HPSE2: variants seen among roughly 807,000 people sequenced by gnomAD.
HPSE2 encodes inactive heparanase-2.
Under a neutral mutation model 60.5 loss-of-function variants are expected in HPSE2, and 38 were observed. The observed-to-expected ratio is 0.63, with a 90% confidence interval of 0.48 to 0.82. The LOEUF (loss-of-function observed/expected upper bound fraction) is 0.82. Among genes scored for constraint, HPSE2 ranks in the 40% least tolerant of loss-of-function variants. The probability of loss-of-function intolerance (pLI) is 0.00; values close to 1 mark genes in which losing one functional copy is unlikely to be tolerated. For missense variants in HPSE2, 713 were observed against 740.4 expected, an observed-to-expected ratio of 0.96 and a Z score of 0.43; for synonymous variants, 295 against 293.2, an observed-to-expected ratio of 1.01 and a Z score of -0.06.
intron 3 of HPSE2, among the ~76,000 whole-genome samples, chr10:99,098,680 A>G (rs2135628594): frequency 6.6e-6 from 1 of 152,318 alleles, no homozygotes; most frequent in Admixed American, 6.5e-5. Context: ...TTTATTTATT[A>G]CACATAGAAA....
At chr10:98,664,645 C>T (rs1947314502) in intron 6 of HPSE2, among the ~76,000 whole-genome samples, 1 of 152,190 alleles carries the variant, frequency 6.6e-6, no homozygotes, top group Non-Finnish European at 1.5e-5. Flanking sequence ...CTCTCAGGCG[C>T]CATCTACTGG....
At chr10:98,991,354 A>G (rs1204225972) in intron 3 of HPSE2, among the ~76,000 whole-genome samples, 1 of 152,192 alleles carries the variant, frequency 6.6e-6, no homozygotes, top group Non-Finnish European at 1.5e-5. Flanking sequence ...GAGAAACCAC[A>G]CAGGCATCTG....
chr10:99,302,987 G>A, the HPSE2 span, among the ~76,000 whole-genome samples: 1 of 151,910 alleles, frequency 6.6e-6, no homozygotes. Context: ...CAAGGACAGA[G>A]AAGGCATTAA....
chr10:98,585,514 C>A (rs1944914967), intron 9 of HPSE2, among the ~76,000 whole-genome samples: 5 of 151,730 alleles, frequency 3.3e-5, no homozygotes, highest in African/African-American at 1.2e-4. Flanking sequence ...TTGTGATCTG[C>A]TCGCCTCAGC....
chr10:98,567,085 C>A (rs1224756727), intron 9 of HPSE2, among the ~76,000 whole-genome samples: 1 of 152,112 alleles, frequency 6.6e-6, no homozygotes, highest in African/African-American at 2.4e-5. Context: ...AATGCAGATT[C>A]CTAAGTCATA....
chr10:98,984,370 C>A (rs914680260), intron 3 of HPSE2, among the ~76,000 whole-genome samples: 3 of 152,152 alleles, frequency 2.0e-5, no homozygotes, highest in Non-Finnish European at 4.4e-5. Context: ...CTGCTGATAC[C>A]CAGGCAAACA....
chr10:98,689,424 G>T (rs1948015852), intron 6 of HPSE2, among the ~76,000 whole-genome samples: 1 of 152,180 alleles, frequency 6.6e-6, no homozygotes, highest in Middle Eastern at 3.4e-3. Flanking sequence ...TTCACTTCAA[G>T]AATTCCATTT....
chr10:99,200,030 C>G (rs1031799348), intron 2 of HPSE2, among the ~76,000 whole-genome samples: 4 of 152,060 alleles, frequency 2.6e-5, no homozygotes, highest in South Asian at 2.1e-4. Context: ...ATTTTACCCT[C>G]TTTGATGCTA....
At chr10:99,122,634 T>C (rs1219634477) in intron 3 of HPSE2, among the ~76,000 whole-genome samples, 1 of 151,952 alleles carries the variant, frequency 6.6e-6, no homozygotes, top group African/African-American at 2.4e-5. Context: ...TTCTAAATAT[T>C]GTCAAGTTAC....
At chr10:98,795,019 A>AAGGAAGGAAG (rs1554996928) in intron 3 of HPSE2, among the ~76,000 whole-genome samples, 4 of 56,098 alleles carry the variant, frequency 7.1e-5, no homozygotes, top group East Asian at 6.0e-4. Context: ...AGAGAGAGAG[A>AAGGAAGGAAG]GAAGGAAGGA....
chr10:98,562,096 C>A (rs889204528), intron 9 of HPSE2, among the ~76,000 whole-genome samples: 6 of 151,986 alleles, frequency 3.9e-5, no homozygotes, highest in Non-Finnish European at 5.9e-5. Flanking sequence ...TTTCCCGTAC[C>A]TTTTCTATGT....
intron 2 of HPSE2, among the ~76,000 whole-genome samples, chr10:99,209,359 C>T (rs999351364): frequency 6.6e-6 from 1 of 152,094 alleles, no homozygotes; most frequent in African/African-American, 2.4e-5. Context: ...TTCACAAATA[C>T]ATGGTAATTT....
intron 10 of HPSE2, among the ~76,000 whole-genome samples, chr10:98,487,229 C>T (rs965050705): frequency 6.6e-6 from 1 of 152,178 alleles, no homozygotes; most frequent in African/African-American, 2.4e-5. Context: ...TGTCAGTGTC[C>T]TAATTTGTTA....
chr10:98,600,911 G>GTATATATATATATATA (rs71007402), intron 9 of HPSE2, among the ~76,000 whole-genome samples: 9 of 73,718 alleles, frequency 1.2e-4, no homozygotes, highest in African/African-American at 3.0e-4. Flanking sequence ...ATGTGTGTGT[G>GTATATATATATATATA]TATATATATA....
chr10:99,158,541 G>A (rs1846681398), intron 2 of HPSE2, among the ~76,000 whole-genome samples: 1 of 142,218 alleles, frequency 7.0e-6, no homozygotes, highest in Admixed American at 7.3e-5. Flanking sequence ...CTAATAGGTG[G>A]GAATTGAACA....
chr10:98,793,839 G>A (rs837729), intron 3 of HPSE2, among the ~76,000 whole-genome samples: 130,715 of 152,222 alleles, frequency 0.86, 56,575 homozygotes, highest in African/African-American at 0.96. Context: ...AGGTTTGAAA[G>A]TAGAACAAGC....
intron 3 of HPSE2, among the ~76,000 whole-genome samples, chr10:99,117,568 T>A (rs1844761363): frequency 6.6e-6 from 1 of 151,028 alleles, no homozygotes; most frequent in Non-Finnish European, 1.5e-5. Context: ...TAAATAATCA[T>A]AAGCAATTAT....
chr10:98,767,905 CATATA>C (rs1450024654), intron 3 of HPSE2, among the ~76,000 whole-genome samples: 21 of 146,676 alleles, frequency 1.4e-4, no homozygotes, highest in South Asian at 4.3e-4. Flanking sequence ...ATTAAATAAG[CATATA>C]ATATATTAAA....
chr10:99,149,046 T>C (rs1027147181), intron 2 of HPSE2, among the ~76,000 whole-genome samples: 22 of 151,364 alleles, frequency 1.5e-4, no homozygotes, highest in East Asian at 5.8e-4. Flanking sequence ...TATATATTTA[T>C]ACAAAAAAAA....
Sources: allele counts gnomAD v4.1 joint callset (sites outside exome capture counted in the v4.1 genomes callset), GRCh38; gene constraint gnomAD v4.1.1; transcripts MANE v1.5; gene names NCBI Gene and HGNC (gene_info 2026-07-23, HGNC 2026-07-21).